The following DSCAML1 variants were observed in gnomAD, a reference collection of about 807,000 sequenced individuals.
DSCAML1 encodes cell adhesion molecule DSCAML1.
DSCAML1 carries 38 observed loss-of-function variants against 200.5 expected under a neutral mutation model. The ratio of observed to expected loss-of-function variants is 0.19; its 90% CI spans 0.15 to 0.25. The LOEUF is 0.25. Among genes scored for constraint, DSCAML1 ranks in the 10% least tolerant of loss-of-function variants. The probability of loss-of-function intolerance (pLI) is 1.00; values close to 1 mark genes in which losing one functional copy is unlikely to be tolerated. For synonymous variants in DSCAML1, 1,215 were observed against 1,165.0 expected (o/e 1.04, Z -0.87); for missense variants, 2,223 against 2,858.8 (o/e 0.78, Z 5.07).
chr11:117,456,671 C>CTTTTTTTT (rs10661996), intron 19 of DSCAML1, among the ~76,000 whole-genome samples: 25 of 142,138 alleles, frequency 1.8e-4, no homozygotes, highest in Non-Finnish European at 9.1e-5. Context: ...GCAGTCATTT[C>CTTTTTTTT]TTTTTTTTTT....
chr11:117,564,865 A>G (rs2050728913), intron 3 of DSCAML1, among the ~76,000 whole-genome samples: 1 of 151,972 alleles, frequency 6.6e-6, no homozygotes, highest in Non-Finnish European at 1.5e-5. Flanking sequence ...TCCTGGGTTC[A>G]AGCGATTCCA....
Position 117,757,998 on chromosome 11 carries a change from A to AAAAC in DSCAML1, c.511+18789_511+18792dup, listed in dbSNP as rs141321910. 7.4e-3 allele frequency among the ~76,000 whole-genome samples: 1,116 copies of AAAAC among 151,178 alleles called. 10 individuals are homozygous for AAAAC. The highest frequency in any genetic ancestry group is 0.048 in the Middle Eastern group (14 of 292). Reference sequence around the variant, plus strand: ...GAGCGAAACTTCACCTCAAAAAGCAAAAACAAACAAACAAACAAAAATGGT... The same window carrying AAAAC: ...GAGCGAAACTTCACCTCAAAAAGCAAAAACAAACAAACAAACAAACAAAAATGGT... On this transcript the variant is annotated intron_variant, in intron 3 of 32. Coordinates refer to ENST00000651296, the MANE Select transcript of DSCAML1 (RefSeq NM_020693.4).
At chr11:117,551,269 A>G (rs565083) in intron 3 of DSCAML1, among the ~76,000 whole-genome samples, 93,952 of 152,062 alleles carry the variant, frequency 0.62, 30,136 homozygotes, top group East Asian at 0.84. Flanking sequence ...AAAATTCCAA[A>G]AGCTGCATTC....
intron 11 of DSCAML1, among the ~76,000 whole-genome samples, chr11:117,486,289 AAT>A (rs1565730967): frequency 6.6e-6 from 1 of 150,614 alleles, no homozygotes; most frequent in African/African-American, 2.4e-5. Context: ...CGGATGTGAA[AAT>A]GGCAGATGTG....
chr11:117,586,285 C>T lies in DSCAML1; in HGVS notation c.512-53763G>A, dbSNP rs550732099. On this transcript the variant is annotated intron_variant, in intron 3 of 32. Transcript: ENST00000651296. ...GCCGTGAGCAATAGAACATGGCTTG[C>T]ACTCTATGGGAGGGTGGGAGGGGAG... Among the ~76,000 whole-genome samples the T allele has an allele frequency of 6.1e-5, 9 of 146,740 alleles. No homozygotes were observed. The South Asian group carries it at 1.4e-3, about 23-fold the overall frequency.
At chr11:117,588,227 T>A (rs1302229610) in intron 3 of DSCAML1, among the ~76,000 whole-genome samples, 1 of 152,050 alleles carries the variant, frequency 6.6e-6, no homozygotes, top group Admixed American at 6.6e-5. Flanking sequence ...CATTTTTTTT[T>A]AACCACCCTA....
chr11:117,604,649 A>G (rs1042067148), intron 3 of DSCAML1, among the ~76,000 whole-genome samples: 1 of 152,256 alleles, frequency 6.6e-6, no homozygotes, highest in African/African-American at 2.4e-5. Flanking sequence ...GTTCACAGAC[A>G]TCTTTCCCCT....
chr11:117,695,315 C>CTTTTTTTTTTTTTTTTTTTTTT (rs753748981), intron 3 of DSCAML1, among the ~76,000 whole-genome samples: 11 of 116,698 alleles, frequency 9.4e-5, no homozygotes, highest in Non-Finnish European at 1.4e-4. Context: ...CTTTCTTTTT[C>CTTTTTTTTTTTTTTTTTTTTTT]TTTTTTTTTT....
intron 3 of DSCAML1, among the ~76,000 whole-genome samples, chr11:117,571,665 C>A (rs1226594075): frequency 6.6e-6 from 1 of 151,860 alleles, no homozygotes; most frequent in Non-Finnish European, 1.5e-5. Context: ...CTCAGCCCGT[C>A]CTCCCCCCAC....
Position 117,428,284 on chromosome 11 carries a change from T to TGCGGCGCGGC in DSCAML1, c.*34_*43dup. The TGCGGCGCGGC allele has an allele frequency of 9.0e-7, 1 of 1,107,054 alleles. No individual in the cohort carries two copies. Among genetic ancestry groups the TGCGGCGCGGC allele is most frequent in the Non-Finnish European group, 1.3e-6 (1 of 740,770 alleles). The allele number at this position is 1,107,054 out of a possible 1,614,324, so 68.6% of individuals were successfully genotyped here. Reference sequence around the variant, plus strand: ...AAACAGCCGAGCTGGCGTGTGGGGCTGCGGCGCGGCGCGGTCCAGGCGTGG... The same window carrying TGCGGCGCGGC: ...AAACAGCCGAGCTGGCGTGTGGGGCTGCGGCGCGGCGCGGCGCGGCGCGGTCCAGGCGTGG... On this transcript the variant is annotated 3_prime_UTR_variant, in exon 33 of 33. Coordinates refer to ENST00000651296, the MANE Select transcript of DSCAML1 (RefSeq NM_020693.4).
intron 2 of DSCAML1, among the ~76,000 whole-genome samples, chr11:117,778,781 G>T (rs1237089344): frequency 6.6e-6 from 1 of 152,188 alleles, no homozygotes; most frequent in Non-Finnish European, 1.5e-5. Flanking sequence ...CCACGCTGTG[G>T]AGGCCAGAGC....
At chr11:117,486,654 C>G (rs1195348650) in intron 11 of DSCAML1, among the ~76,000 whole-genome samples, 1 of 152,114 alleles carries the variant, frequency 6.6e-6, no homozygotes, top group Non-Finnish European at 1.5e-5. Flanking sequence ...TCTGTTACTC[C>G]TACAAGTTCA....
rs1238497794 is a variant in DSCAML1, at chr11:117,470,050, C to A, written c.2954-70G>T. The A allele has an allele frequency of 1.8e-5, 25 of 1,401,648 alleles. No individual in the cohort carries two copies. The Admixed American group carries it at 5.1e-4, about 28-fold the overall frequency. 86.8% of individuals were successfully genotyped at this position (1,401,648 alleles called of 1,614,324 possible). On this transcript the variant is annotated intron_variant, in intron 15 of 32. Coordinates refer to ENST00000651296, the MANE Select transcript of DSCAML1 (RefSeq NM_020693.4). The stretch of plus-strand genomic sequence containing the variant: ...GGAAGAGGAAGGGGTTCTATGTTCC[C>A]ACTCCCACCCTCCTGAGCTGGAGGG...
intron 14 of DSCAML1, 90 bp from the exon 15 acceptor site, chr11:117,472,126 T>A (rs1299859888): frequency 6.8e-7 from 1 of 1,480,694 alleles, no homozygotes; most frequent in African/African-American, 1.4e-5. Flanking sequence ...CAATATTAAG[T>A]TGGATGCCCG....
chr11:117,733,148 G>T (rs1483462163), intron 3 of DSCAML1, among the ~76,000 whole-genome samples: 1 of 152,126 alleles, frequency 6.6e-6, no homozygotes, highest in Non-Finnish European at 1.5e-5. Flanking sequence ...ACATGCGGGG[G>T]AAGGGGCCAG....
At chr11:117,793,973 G>A (rs960105781) in intron 1 of DSCAML1, among the ~76,000 whole-genome samples, 3 of 151,506 alleles carry the variant, frequency 2.0e-5, no homozygotes, top group African/African-American at 7.3e-5. Context: ...CTGGCCCTTC[G>A]CCTGCCTCCC....
intron 3 of DSCAML1, among the ~76,000 whole-genome samples, chr11:117,548,460 ACC>A (rs1192541219): frequency 6.6e-6 from 1 of 151,908 alleles, no homozygotes; most frequent in Non-Finnish European, 1.5e-5. Context: ...CCCCTCTTAG[ACC>A]CTCTCTTAAA....
chr11:117,699,975 A>C (rs915412375), intron 3 of DSCAML1, among the ~76,000 whole-genome samples: 12 of 152,192 alleles, frequency 7.9e-5, no homozygotes, highest in Non-Finnish European at 1.8e-4. Context: ...TAGTAACAAA[A>C]AGCATGGCAC....
intron 11 of DSCAML1, among the ~76,000 whole-genome samples, chr11:117,485,659 G>A (rs949743528): frequency 6.6e-6 from 1 of 152,236 alleles, no homozygotes; most frequent in African/African-American, 2.4e-5. Flanking sequence ...TCCCCAAGGG[G>A]TTCCATCAAG....
Sources: gnomAD v4.1 joint callset for allele counts (sites outside exome capture counted in the v4.1 genomes callset) on GRCh38, gnomAD v4.1.1 for gene constraint, MANE v1.5 for transcripts, NCBI Gene and HGNC (gene_info 2026-07-23, HGNC 2026-07-21) for gene names.